Variants in ATF6 observed in about 807,000 individuals in gnomAD.
ATF6 encodes activating transcription factor 6.
ATF6 carries 53 observed loss-of-function variants against 83.6 expected under a neutral mutation model. That is an observed-to-expected ratio of 0.63 (90% CI 0.51 to 0.80). The LOEUF is 0.80. Among genes scored for constraint, ATF6 ranks in the 30% least tolerant of loss-of-function variants. The pLI, the probability that ATF6 is intolerant of heterozygous loss-of-function variation, is 0.00. For missense variants in ATF6, 744 were observed against 797.9 expected, an observed-to-expected ratio of 0.93 and a Z score of 0.81; for synonymous variants, 288 against 285.8, an observed-to-expected ratio of 1.01 and a Z score of -0.08.
chr1:161,779,930 G>T (rs975502733), intron 2 of ATF6, among the ~76,000 whole-genome samples: 1 of 151,970 alleles, frequency 6.6e-6, no homozygotes, highest in African/African-American at 2.4e-5. Flanking sequence ...TAGAGACGGG[G>T]TTTCACTACA....
chr1:161,844,587 A>G (rs1686438249), intron 9 of ATF6, among the ~76,000 whole-genome samples: 1 of 152,174 alleles, frequency 6.6e-6, no homozygotes, highest in Non-Finnish European at 1.5e-5. Context: ...ACTAATAACA[A>G]TAGCGGGGTC....
chr1:161,784,321 T>C (rs1393260966), intron 4 of ATF6, among the ~76,000 whole-genome samples: 1 of 152,150 alleles, frequency 6.6e-6, no homozygotes, highest in East Asian at 1.9e-4. Context: ...AATTTCATTG[T>C]TTCATTTGTT....
chr1:161,806,469 A>G (rs750468807), intron 7 of ATF6, among the ~76,000 whole-genome samples: 1 of 152,230 alleles, frequency 6.6e-6, no homozygotes, highest in African/African-American at 2.4e-5. Context: ...AGTGGGCCAC[A>G]TTGGAGCAAA....
chr1:161,909,093 T>C (rs1336661654), intron 14 of ATF6, among the ~76,000 whole-genome samples: 1 of 152,190 alleles, frequency 6.6e-6, no homozygotes, highest in East Asian at 1.9e-4. Context: ...TGACAGAAAA[T>C]CCAAAATAAT....
chr1:161,825,937 T>A (rs1281893708), intron 9 of ATF6, among the ~76,000 whole-genome samples: 1 of 152,130 alleles, frequency 6.6e-6, no homozygotes, highest in Non-Finnish European at 1.5e-5. Context: ...TAAACTCAGG[T>A]CCAGCTGGAA....
At chr1:161,787,887 A>G (rs1684779969) in intron 4 of ATF6, among the ~76,000 whole-genome samples, 1 of 152,194 alleles carries the variant, frequency 6.6e-6, no homozygotes, top group African/African-American at 2.4e-5. Context: ...AGATATCTTT[A>G]TATTATTTAC....
At position 161,961,843 on chromosome 1, in the gene ATF6, T is replaced by C. The variant is rs1305123694; in HGVS notation, c.*3189T>C. 6.6e-6 allele frequency: 1 copy of C among 152,194 alleles called. No homozygotes were observed. The highest frequency in any genetic ancestry group is 1.9e-4 in the East Asian group (1 of 5,192). 9.4% of individuals were successfully genotyped at this position (152,194 alleles called of 1,614,324 possible). A position where few individuals can be genotyped will look rare whatever the true frequency, so the allele number is the denominator to read the frequency against. On this transcript the variant is annotated 3_prime_UTR_variant, in exon 16 of 16. Transcript: ENST00000367942. ...CAAGTCCCAAATTTTTAAGGGTTAA[T>C]GGAAGTAAGTGGATGTTTCCTCATG...
At chr1:161,862,081 A>G (rs1388358886) in intron 13 of ATF6, among the ~76,000 whole-genome samples, 2 of 152,208 alleles carry the variant, frequency 1.3e-5, no homozygotes, top group Admixed American at 6.5e-5. Flanking sequence ...AAATATTGTA[A>G]CCAGAGGCTT....
At chr1:161,844,471 T>C (rs1411713269) in intron 9 of ATF6, among the ~76,000 whole-genome samples, 3 of 152,152 alleles carry the variant, frequency 2.0e-5, no homozygotes, top group Non-Finnish European at 2.9e-5. Context: ...AGCACATTTC[T>C]AGTTAAAACA....
chr1:161,951,373 G>T (rs750268170), intron 15 of ATF6, among the ~76,000 whole-genome samples: 11 of 152,236 alleles, frequency 7.2e-5, no homozygotes, highest in Non-Finnish European at 1.5e-4. Flanking sequence ...ACTTTCTCAA[G>T]TTGGAGCCAA....
chr1:161,864,617 A>G (rs1686951768), intron 14 of ATF6, among the ~76,000 whole-genome samples: 1 of 152,232 alleles, frequency 6.6e-6, no homozygotes, highest in South Asian at 2.1e-4. Flanking sequence ...ATTTTCAGTT[A>G]TTAATCAAAC....
intron 14 of ATF6, among the ~76,000 whole-genome samples, chr1:161,865,728 A>C (rs1445257111): frequency 6.6e-6 from 1 of 152,182 alleles, no homozygotes; most frequent in Non-Finnish European, 1.5e-5. Context: ...CTGATTTATC[A>C]CATTTTGGTG....
intron 15 of ATF6, among the ~76,000 whole-genome samples, chr1:161,942,917 G>A (rs1003460714): frequency 1.4e-4 from 21 of 152,224 alleles, no homozygotes; most frequent in East Asian, 3.9e-4. Context: ...GTGCAGTGGC[G>A]CAATCTTGGT....
rs147297801 is a variant in ATF6, at chr1:161,830,715, T to C, written c.1187+9554T>C. On this transcript the variant is annotated intron_variant, in intron 9 of 15. Transcript: ENST00000367942. ...AATGGGGAAAGGATTCCCTAAGTAA[T>C]AAATGGTGCTGGGAAAACTGGCTAG... is the stretch of plus-strand genomic sequence containing the variant. Among the ~76,000 whole-genome samples the C allele has an allele frequency of 2.4e-4, 36 of 152,318 alleles. No homozygotes were observed. In the East Asian group the frequency reaches 6.5e-3, roughly 28 times the overall value.
chr1:161,932,158 A>G (rs1171709206), intron 15 of ATF6, among the ~76,000 whole-genome samples: 1 of 152,240 alleles, frequency 6.6e-6, no homozygotes, highest in Non-Finnish European at 1.5e-5. Flanking sequence ...AAGTTGCACA[A>G]AATCAAAAAG....
rs539468223 is a variant in ATF6 at position 161,888,452 on chromosome 1, A to G, written c.1720-23844A>G. ...TTGATAGCCTTATCTAAATTCCCCT[A>G]GCTTGAATGTAGTAAATATGAGTGT... On this transcript the variant is annotated intron_variant, in intron 14 of 15. Coordinates refer to ENST00000367942, the MANE Select transcript of ATF6 (RefSeq NM_007348.4). Among the ~76,000 whole-genome samples the G allele has an allele frequency of 1.5e-3, 231 of 152,264 alleles. 2 individuals are homozygous for G. The highest frequency in any genetic ancestry group is 6.8e-3 in the Middle Eastern group (2 of 294).
intron 1 of ATF6, among the ~76,000 whole-genome samples, chr1:161,775,797 T>A (rs1684501387): frequency 6.6e-6 from 1 of 152,158 alleles, no homozygotes; most frequent in African/African-American, 2.4e-5. Flanking sequence ...TGGTATTTAG[T>A]ATCCAAGATC....
chr1:161,814,561 A>G (rs1051998386), intron 7 of ATF6, among the ~76,000 whole-genome samples: 1 of 152,226 alleles, frequency 6.6e-6, no homozygotes, highest in Non-Finnish European at 1.5e-5. Context: ...TAATCTGCCA[A>G]ATAAATGGTT....
intron 2 of ATF6, among the ~76,000 whole-genome samples, chr1:161,781,615 A>G (rs992118504): frequency 3.9e-5 from 6 of 152,208 alleles, no homozygotes; most frequent in Admixed American, 2.0e-4. Context: ...TAAAAGACAC[A>G]TTTTTGACTC....
Sources: gnomAD v4.1 joint callset for allele counts (sites outside exome capture counted in the v4.1 genomes callset) on GRCh38, gnomAD v4.1.1 for gene constraint, MANE v1.5 for transcripts, NCBI Gene and HGNC (gene_info 2026-07-23, HGNC 2026-07-21) for gene names.